The following RFX4 variants were observed in gnomAD, a reference collection of about 807,000 sequenced individuals.
The protein encoded by RFX4 is transcription factor RFX4.
In RFX4, 10 loss-of-function variants were observed where a neutral mutation model predicts 95.0. The observed-to-expected ratio is 0.11, with a 90% CI of 0.06 to 0.18. The LOEUF (loss-of-function observed/expected upper bound fraction) is 0.18, where lower values mean the gene tolerates loss of function less well. Among genes scored for constraint, RFX4 ranks in the 10% least tolerant of loss-of-function variants. RFX4 has a pLI of 1.00. For synonymous variants in RFX4, 321 were observed against 340.7 expected, an observed-to-expected ratio of 0.94 and a Z score of 0.64; for missense variants, 640 against 922.0, an observed-to-expected ratio of 0.69 and a Z score of 3.96.
chr12:106,672,765 A>AG (rs2041310674), intron 4 of RFX4, among the ~76,000 whole-genome samples: 1 of 130,776 alleles, frequency 7.6e-6, no homozygotes, highest in South Asian at 2.2e-4. Flanking sequence ...GAAACACTTA[A>AG]AAAAAAAAAA....
At chr12:106,587,944 C>T (rs2039486245) in intron 1 of RFX4, among the ~76,000 whole-genome samples, 1 of 152,096 alleles carries the variant, frequency 6.6e-6, no homozygotes, top group Non-Finnish European at 1.5e-5. Context: ...TCAACTCAGC[C>T]ACTTGTAATA....
chr12:106,687,180 TCTCACACACACACA>T, intron 6 of RFX4, 83 bp downstream of exon 6: 15 of 681,836 alleles, frequency 2.2e-5, no homozygotes, highest in Non-Finnish European at 2.7e-5. Flanking sequence ...TCTCTCTCTC[TCTCACACACACACA>T]CACACACACA....
intron 13 of RFX4, among the ~76,000 whole-genome samples, chr12:106,724,076 C>A (rs1268151875): frequency 6.6e-6 from 1 of 152,182 alleles, no homozygotes; most frequent in Non-Finnish European, 1.5e-5. Flanking sequence ...TCTCACACAA[C>A]CCCGTGAGGT....
chr12:106,752,463 C>G (rs11113103), intron 17 of RFX4, among the ~76,000 whole-genome samples: 2 of 151,456 alleles, frequency 1.3e-5, no homozygotes, highest in Non-Finnish European at 1.5e-5. Flanking sequence ...TTTTTTCATT[C>G]TATCCCCTCT....
chr12:106,650,377 G>C (rs919961210), intron 3 of RFX4, among the ~76,000 whole-genome samples: 3 of 152,078 alleles, frequency 2.0e-5, no homozygotes, highest in Non-Finnish European at 2.9e-5. Context: ...CATGAGACTG[G>C]AAAATGTTCC....
At chr12:106,704,784 T>C (rs2042051692) in intron 8 of RFX4, among the ~76,000 whole-genome samples, 1 of 152,092 alleles carries the variant, frequency 6.6e-6, no homozygotes, top group Admixed American at 6.6e-5. Flanking sequence ...AACAATTGGG[T>C]TAGCTATAGT....
chr12:106,713,201 G>T (rs993106632), intron 10 of RFX4, among the ~76,000 whole-genome samples: 2 of 152,154 alleles, frequency 1.3e-5, no homozygotes, highest in African/African-American at 4.8e-5. Flanking sequence ...CAGCAAGTCA[G>T]ACTAAACAAC....
chr12:106,594,888 GGAGA>G (rs2039596406), intron 1 of RFX4, among the ~76,000 whole-genome samples: 2 of 152,084 alleles, frequency 1.3e-5, no homozygotes, highest in African/African-American at 4.8e-5. Flanking sequence ...GAGAAGGAAG[GGAGA>G]AAGAGAGGGA....
chr12:106,706,208 T>C (rs1297779668), intron 8 of RFX4, among the ~76,000 whole-genome samples: 1 of 151,910 alleles, frequency 6.6e-6, no homozygotes, highest in East Asian at 1.9e-4. Context: ...AGGCCAGAGG[T>C]CCGGAATGCA....
intron 4 of RFX4, among the ~76,000 whole-genome samples, chr12:106,672,900 T>G (rs2041314465): frequency 6.6e-6 from 1 of 152,184 alleles, no homozygotes; most frequent in Non-Finnish European, 1.5e-5. Flanking sequence ...GAATGTGATG[T>G]GATACAGCAG....
In RFX4 at chr12:106,761,507, A is replaced by G; in HGVS notation, c.*38A>G. ...GCATCCATATTTAATATTAATAATA[A>G]TAATTAATAATAATAATAAACCCAA... On this transcript the variant is annotated 3_prime_UTR_variant, in exon 18 of 18. Transcript: ENST00000392842. 2 of 1,275,070 alleles carry G rather than the reference A, an allele frequency of 1.6e-6. No individual in the cohort carries two copies. Among genetic ancestry groups the G allele is most frequent in the South Asian group, 2.7e-5 (1 of 36,916 alleles). The allele number at this position is 1,275,070 out of a possible 1,614,324, so 79.0% of individuals were successfully genotyped here. A position where few individuals can be genotyped will look rare whatever the true frequency, so the allele number is the denominator to read the frequency against.
intron 15 of RFX4, among the ~76,000 whole-genome samples, chr12:106,739,346 T>C (rs1256899856): frequency 6.6e-6 from 1 of 152,152 alleles, no homozygotes; most frequent in Non-Finnish European, 1.5e-5. Context: ...CTTTAACAAA[T>C]AAATGTCCCA....
At chr12:106,719,701 A>C (rs892370936) in intron 11 of RFX4, among the ~76,000 whole-genome samples, 1 of 152,198 alleles carries the variant, frequency 6.6e-6, no homozygotes, top group South Asian at 2.1e-4. Flanking sequence ...TAAGGCTATG[A>C]AAAAAGCAGG....
intron 2 of RFX4, among the ~76,000 whole-genome samples, chr12:106,610,610 A>G (rs554192774): frequency 2.6e-5 from 4 of 152,344 alleles, no homozygotes; most frequent in African/African-American, 9.6e-5. Context: ...TAATGCCTTC[A>G]AGGTTAATCC....
At chr12:106,642,095 C>A (rs982836734) in intron 3 of RFX4, among the ~76,000 whole-genome samples, 7 of 151,982 alleles carry the variant, frequency 4.6e-5, no homozygotes, top group Non-Finnish European at 4.4e-5. Context: ...ACTGTAACCT[C>A]CGCCTCTTGG....
intron 8 of RFX4, among the ~76,000 whole-genome samples, chr12:106,708,344 T>G (rs1214514109): frequency 7.0e-6 from 1 of 142,028 alleles, no homozygotes; most frequent in Non-Finnish European, 1.5e-5. Flanking sequence ...TGTGTGTATG[T>G]TTTTTTTTTT....
chr12:106,673,277 C>A (rs1289282214), intron 4 of RFX4, among the ~76,000 whole-genome samples: 2 of 152,208 alleles, frequency 1.3e-5, no homozygotes, highest in Non-Finnish European at 2.9e-5. Flanking sequence ...GGACCCCCTG[C>A]TCCGGCTCCT....
chr12:106,589,737 A>G (rs933847195), intron 1 of RFX4, among the ~76,000 whole-genome samples: 1 of 152,190 alleles, frequency 6.6e-6, no homozygotes, highest in African/African-American at 2.4e-5. Context: ...TGAGAAGGGA[A>G]ACAGATGGAT....
intron 2 of RFX4, among the ~76,000 whole-genome samples, chr12:106,624,121 A>G (rs182724300): frequency 6.6e-6 from 1 of 152,286 alleles, no homozygotes; most frequent in East Asian, 1.9e-4. Context: ...TCAGAAAACA[A>G]CAAAATCTTT....
Sources: allele counts gnomAD v4.1 joint callset (sites outside exome capture counted in the v4.1 genomes callset), GRCh38; gene constraint gnomAD v4.1.1; transcripts MANE v1.5; gene names NCBI Gene and HGNC (gene_info 2026-07-23, HGNC 2026-07-21).